AUNIP: variants seen among roughly 807,000 people sequenced by gnomAD.
AUNIP encodes aurora kinase A- and ninein-interacting protein.
In AUNIP, 16 loss-of-function variants were observed where a neutral mutation model predicts 12.2. The ratio of observed to expected loss-of-function variants is 1.31; its 90% CI spans 0.88 to 1.99. The LOEUF (loss-of-function observed/expected upper bound fraction) is 1.99, where lower values mean the gene tolerates loss of function less well. Among genes scored for constraint, AUNIP ranks in the 30% most tolerant of loss-of-function variants. The pLI is 0.00. For missense variants in AUNIP, 411 were observed against 419.1 expected (o/e 0.98, Z 0.17); for synonymous variants, 142 against 154.8 (o/e 0.92, Z 0.61).
At chr1:25,857,380 G>A (rs568727229) in intron 1 of AUNIP, among the ~76,000 whole-genome samples, 532 of 150,936 alleles carry the variant, frequency 3.5e-3, no homozygotes, top group African/African-American at 0.012. Flanking sequence ...CGAGTAGCTG[G>A]GATTACAGGT....
At chr1:25,856,953 A>AT (rs1052310918) in intron 1 of AUNIP, among the ~76,000 whole-genome samples, 16 of 151,946 alleles carry the variant, frequency 1.1e-4, no homozygotes, top group African/African-American at 3.9e-4. Context: ...ACAAAAAAAA[A>AT]AAATACAAAA....
intron 1 of AUNIP, among the ~76,000 whole-genome samples, chr1:25,855,344 T>A (rs958204197): frequency 2.0e-5 from 3 of 151,378 alleles, no homozygotes; most frequent in African/African-American, 7.4e-5. Context: ...ACTTTTTTTA[T>A]TTTTTGTGGA....
At chr1:25,836,404 G>A (rs1421043260) in intron 2 of AUNIP, among the ~76,000 whole-genome samples, 1 of 152,192 alleles carries the variant, frequency 6.6e-6, no homozygotes. Context: ...AGGGAGTGAA[G>A]ACACAATTAG....
At chr1:25,842,665 T>C (rs2048354490) in intron 1 of AUNIP, among the ~76,000 whole-genome samples, 1 of 152,210 alleles carries the variant, frequency 6.6e-6, no homozygotes, top group South Asian at 2.1e-4. Context: ...ACAGGATGAC[T>C]CTCTTGTTAG....
chr1:25,835,392 G>A lies in AUNIP; in HGVS notation c.675C>T (p.Pro225=). 1 of 1,614,214 alleles carries A rather than the reference G, an allele frequency of 6.2e-7. No individual in the cohort carries two copies. Among genetic ancestry groups the A allele is most frequent in the Non-Finnish European group, 8.5e-7 (1 of 1,180,046 alleles). ...TKLPGDKCCQ[P]LGKTKLERKV... ...TTCTTTCCAATTTAGTCTTGCCTAA[G>A]GGCTGACAGCATTTGTCCCCAGGTA... The change falls in exon 3 of 3, where the codon CCC becomes CCT. Residue 225 remains proline (P), a synonymous_variant. Coordinates refer to ENST00000374298, the MANE Select transcript of AUNIP (RefSeq NM_024037.3).
At position 25,834,449 on chromosome 1, in the gene AUNIP, A is replaced by C; in HGVS notation, c.*544T>G. ...GCTAATATGGTGAAACCTCGTCTCT[A>C]CTAAAAATCCAAAAAAAATTAGCTG... On this transcript the variant is annotated 3_prime_UTR_variant, in exon 3 of 3. Coordinates refer to ENST00000374298, the MANE Select transcript of AUNIP (RefSeq NM_024037.3). 1.2e-6 allele frequency: 1 copy of C among 805,972 alleles called. No individual in the cohort carries two copies. Among genetic ancestry groups the C allele is most frequent in the Non-Finnish European group, 1.5e-6 (1 of 666,624 alleles). The allele number at this position is 805,972 out of a possible 1,614,324, so 49.9% of individuals were successfully genotyped here.
rs1440260608 is a variant in AUNIP, at chr1:25,843,186, AT to A, written c.79-5633del. On this transcript the variant is annotated intron_variant, in intron 1 of 2. Transcript: ENST00000374298. ...AGACCCCATCTCAAAAAAAAAAAAA[AT>A]ATATATATATATATATTTTACTGCT... Among the ~76,000 whole-genome samples the A allele has an allele frequency of 4.3e-3, 510 of 118,286 alleles. 3 individuals carry two copies. Among genetic ancestry groups the A allele is most frequent in the African/African-American group, 0.02 (487 of 24,546 alleles). 77.6% of individuals were successfully genotyped at this position (118,286 alleles called of 152,430 possible).
At position 25,835,347 on chromosome 1, in the gene AUNIP, GT is replaced by G; in HGVS notation, c.719del (p.Asn240ThrfsTer20). ...TTTGAAGGAGGACAGGGGCCTGCCTGTTTTCTTTGGCAGACACCTTTCTTTC... is the reference window on the plus strand; with the variant it reads ...TTTGAAGGAGGACAGGGGCCTGCCTGTTTCTTTGGCAGACACCTTTCTTTC... ...KLERKVSAKE[N>X]RQAPVLLQTY... On this transcript the variant is annotated frameshift_variant, in exon 3 of 3. Coordinates refer to ENST00000374298, the MANE Select transcript of AUNIP (RefSeq NM_024037.3). LOFTEE classifies it low-confidence loss of function (END_TRUNC). The G allele has an allele frequency of 6.2e-7, 1 of 1,614,224 alleles. No homozygotes were observed. The highest frequency in any genetic ancestry group is 1.6e-4 in the Middle Eastern group (1 of 6,062).
In AUNIP at chr1:25,834,706, A is replaced by G. The variant is rs1449529854; in HGVS notation, c.*287T>C. 5.0e-6 allele frequency: 6 copies of G among 1,197,962 alleles called. No individual in the cohort carries two copies. The highest frequency in any genetic ancestry group is 6.2e-6 in the Non-Finnish European group (6 of 963,126). 74.2% of individuals were successfully genotyped at this position (1,197,962 alleles called of 1,614,324 possible). On this transcript the variant is annotated 3_prime_UTR_variant, in exon 3 of 3. Transcript: ENST00000374298. ...GATGGCTCTGTGCAGGCTGAGTAAA[A>G]GGCACTTTCATAGAGATAAATACCC...
chr1:25,848,040 T>C (rs1313843583), intron 1 of AUNIP, among the ~76,000 whole-genome samples: 1 of 152,158 alleles, frequency 6.6e-6, no homozygotes, highest in Non-Finnish European at 1.5e-5. Context: ...ACTTCAGCAG[T>C]ATCCTCCAAA....
At chr1:25,843,580 G>C (rs1002627942) in intron 1 of AUNIP, among the ~76,000 whole-genome samples, 1 of 116,550 alleles carries the variant, frequency 8.6e-6, no homozygotes, top group African/African-American at 3.4e-5. Context: ...AAAATAGTGA[G>C]CTCCTGTCTG....
chr1:25,833,954 C>T (rs1012452096), downstream of AUNIP: 1 of 899,554 alleles, frequency 1.1e-6, no homozygotes, highest in Admixed American at 6.2e-5. Context: ...TACAGTGTTG[C>T]CTTTTCAAAA....
In AUNIP at chr1:25,839,138, G is replaced by T. The variant is rs1378518213; in HGVS notation, c.79-1584C>A. On this transcript the variant is annotated intron_variant, in intron 1 of 2. Transcript: ENST00000374298. ...CAGACAACAGGCAGTAAAGAATTGT[G>T]ATCCTTGAGAAAAGGGAAACAAATA... Among the ~76,000 whole-genome samples, 7 of 152,216 alleles carry T rather than the reference G, an allele frequency of 4.6e-5. No individual in the cohort carries two copies. The South Asian group carries it at 6.2e-4, about 13-fold the overall frequency.
Position 25,834,527 on chromosome 1 carries a change from G to C in AUNIP, c.*466C>G, listed in dbSNP as rs1212659343. On this transcript the variant is annotated 3_prime_UTR_variant, in exon 3 of 3. Transcript: ENST00000374298. ...TGCTATTCGGGAGGCTGAGGCAGGA[G>C]AATCGCTTGAATCCGGGAGACAGAG... 2 of 775,824 alleles carry C rather than the reference G, an allele frequency of 2.6e-6. No homozygotes were observed. The highest frequency in any genetic ancestry group is 3.1e-6 in the Non-Finnish European group (2 of 639,272). 48.1% of individuals were successfully genotyped at this position (775,824 alleles called of 1,614,324 possible).
chr1:25,841,652 T>C (rs1048608097), intron 1 of AUNIP, among the ~76,000 whole-genome samples: 1 of 151,918 alleles, frequency 6.6e-6, no homozygotes, highest in Non-Finnish European at 1.5e-5. Context: ...GCCTCCCGAG[T>C]AGCTGGGACT....
intron 1 of AUNIP, among the ~76,000 whole-genome samples, chr1:25,837,779 T>G (rs1289293230): frequency 6.6e-6 from 1 of 152,220 alleles, no homozygotes; most frequent in African/African-American, 2.4e-5. Context: ...CCAATCTTTC[T>G]GCTTCCCCAT....
At chr1:25,831,996 G>GGAA (rs2124487863), downstream of AUNIP, 2 of 1,614,204 alleles carry the variant, frequency 1.2e-6, no homozygotes, top group Non-Finnish European at 1.7e-6. Flanking sequence ...TTGCTCTAAA[G>GGAA]GAAGAAGATA....
downstream of AUNIP, chr1:25,831,936 G>T (rs772839924): frequency 6.2e-7 from 1 of 1,614,188 alleles, no homozygotes; most frequent in South Asian, 1.1e-5. Flanking sequence ...GGAGTTTATT[G>T]AAGGAGGAAG....
chr1:25,858,066 C>T (rs956208978), intron 1 of AUNIP, among the ~76,000 whole-genome samples: 25 of 152,244 alleles, frequency 1.6e-4, no homozygotes, highest in African/African-American at 5.8e-4. Flanking sequence ...ACTCAGGAGG[C>T]TGAGGCAGGA....
Sources: allele counts gnomAD v4.1 joint callset (sites outside exome capture counted in the v4.1 genomes callset), GRCh38; gene constraint gnomAD v4.1.1; transcripts MANE v1.5; gene names NCBI Gene and HGNC (gene_info 2026-07-23, HGNC 2026-07-21).